Variants in EEIG2 observed in about 807,000 individuals in gnomAD.
The protein encoded by EEIG2 is family with sequence similarity 102 member B.
the EEIG2 span, among the ~76,000 whole-genome samples, chr1:108,606,060 G>A: frequency 1.3e-5 from 2 of 152,114 alleles, no homozygotes; most frequent in African/African-American, 2.4e-5. Flanking sequence ...TGGTCATTTG[G>A]GGGGCTTGTG....
chr1:108,583,157 T>A, the EEIG2 span, among the ~76,000 whole-genome samples: 1 of 151,746 alleles, frequency 6.6e-6, no homozygotes, highest in Non-Finnish European at 1.5e-5. Flanking sequence ...TGCTGCCTTT[T>A]GTTTTTTGTT....
the EEIG2 span, chr1:108,625,657 T>A: frequency 6.6e-6 from 1 of 152,090 alleles, no homozygotes; most frequent in Non-Finnish European, 1.5e-5. Context: ...TCCTTAGCCC[T>A]ACATCCTTCT....
chr1:108,597,047 A>G, the EEIG2 span, among the ~76,000 whole-genome samples: 23 of 152,082 alleles, frequency 1.5e-4, no homozygotes, highest in Admixed American at 7.9e-4. Flanking sequence ...TTTTCTATTC[A>G]TCTTGGTTTC....
the EEIG2 span, among the ~76,000 whole-genome samples, chr1:108,623,618 A>G: frequency 7.2e-5 from 11 of 152,276 alleles, no homozygotes; most frequent in African/African-American, 2.4e-4. Flanking sequence ...GCCTGTATCA[A>G]AATATCTCAT....
At chr1:108,602,367 G>A in the EEIG2 span, among the ~76,000 whole-genome samples, 2 of 152,044 alleles carry the variant, frequency 1.3e-5, no homozygotes, top group Non-Finnish European at 2.9e-5. Context: ...GGAAGTGCTG[G>A]GGGAGAAACT....
the EEIG2 span, among the ~76,000 whole-genome samples, chr1:108,633,690 G>A: frequency 1.3e-5 from 2 of 152,132 alleles, no homozygotes; most frequent in African/African-American, 2.4e-5. Flanking sequence ...TTAGCACTTT[G>A]GCTATGATGT....
At chr1:108,623,727 A>G in the EEIG2 span, among the ~76,000 whole-genome samples, 6 of 152,142 alleles carry the variant, frequency 3.9e-5, no homozygotes, top group South Asian at 1.2e-3. Context: ...GCTGGAGTGC[A>G]ATGGTGCAAT....
the EEIG2 span, among the ~76,000 whole-genome samples, chr1:108,603,195 T>G: frequency 6.6e-6 from 1 of 152,182 alleles, no homozygotes; most frequent in African/African-American, 2.4e-5. Flanking sequence ...AGCCTGACAT[T>G]TGGCATTGCT....
chr1:108,569,342 G>T, the EEIG2 span, among the ~76,000 whole-genome samples: 1 of 152,174 alleles, frequency 6.6e-6, no homozygotes, highest in African/African-American at 2.4e-5. Context: ...TCTTTTTAGA[G>T]GCAGTTACTC....
At chr1:108,633,299 A>T in the EEIG2 span, among the ~76,000 whole-genome samples, 2 of 150,822 alleles carry the variant, frequency 1.3e-5, no homozygotes, top group South Asian at 4.2e-4. Flanking sequence ...TTTGGTTTTC[A>T]TTTTTGAAAG....
At chr1:108,630,097 G>C in the EEIG2 span, among the ~76,000 whole-genome samples, 2 of 152,164 alleles carry the variant, frequency 1.3e-5, no homozygotes, top group African/African-American at 2.4e-5. Flanking sequence ...TCCTGCCTTA[G>C]CCTCTTGAGC....
chr1:108,595,610 C>G, the EEIG2 span, among the ~76,000 whole-genome samples: 117 of 116,668 alleles, frequency 1.0e-3, 1 homozygote, highest in African/African-American at 3.4e-3. Context: ...GTAGCTTTTA[C>G]ATGCCAAGGG....
At chr1:108,621,844 A>C in the EEIG2 span, among the ~76,000 whole-genome samples, 1 of 149,294 alleles carries the variant, frequency 6.7e-6, no homozygotes, top group African/African-American at 2.5e-5. Flanking sequence ...TTTTTTTTCC[A>C]CAAAGCTATT....
the EEIG2 span, among the ~76,000 whole-genome samples, chr1:108,610,640 C>T: frequency 3.2e-4 from 49 of 152,172 alleles, no homozygotes; most frequent in South Asian, 1.9e-3. Flanking sequence ...CTAAGAGAGG[C>T]AATAAGACAG....
At chr1:108,589,783 CTTTT>C in the EEIG2 span, among the ~76,000 whole-genome samples, 3 of 85,140 alleles carry the variant, frequency 3.5e-5, no homozygotes, top group African/African-American at 1.6e-4. Flanking sequence ...GTCTTTTGTC[CTTTT>C]TTTTTTTTTT....
chr1:108,566,109 T>C, the EEIG2 span, among the ~76,000 whole-genome samples: 1 of 152,218 alleles, frequency 6.6e-6, no homozygotes, highest in African/African-American at 2.4e-5. Flanking sequence ...TATCTTTTCA[T>C]ATCATTAAAT....
At chr1:108,572,692 T>G in the EEIG2 span, among the ~76,000 whole-genome samples, 1 of 152,158 alleles carries the variant, frequency 6.6e-6, no homozygotes. Flanking sequence ...CTCGGCTCAC[T>G]GCAACCTCCA....
At chr1:108,627,968 G>A in the EEIG2 span, 7 of 537,654 alleles carry the variant, frequency 1.3e-5, no homozygotes, top group Non-Finnish European at 2.0e-5. Flanking sequence ...ATTCTTCAGC[G>A]AACTAAGGTA....
the EEIG2 span, among the ~76,000 whole-genome samples, chr1:108,607,227 T>A: frequency 1.1e-4 from 16 of 152,358 alleles, no homozygotes; most frequent in African/African-American, 2.4e-4. Flanking sequence ...GCTCCCCTCC[T>A]GGACACCAGG....
Sources: allele counts gnomAD v4.1 joint callset (sites outside exome capture counted in the v4.1 genomes callset), GRCh38; gene constraint gnomAD v4.1.1; transcripts MANE v1.5; gene names NCBI Gene and HGNC (gene_info 2026-07-23, HGNC 2026-07-21).